The following VPS8 variants were observed in gnomAD, a reference collection of about 807,000 sequenced individuals.
The protein encoded by VPS8 is vacuolar protein sorting-associated protein 8 homolog.
In VPS8, 129 loss-of-function variants were observed where a neutral mutation model predicts 216.4. The ratio of observed to expected loss-of-function variants is 0.60; its 90% CI spans 0.52 to 0.69. The LOEUF is 0.69. VPS8 is among the 30% of genes least tolerant of loss of function. VPS8 has a pLI of 0.00. For synonymous variants in VPS8, 571 were observed against 565.4 expected (o/e 1.01, Z -0.14); for missense variants, 1,531 against 1,683.5 (o/e 0.91, Z 1.59).
intron 40 of VPS8, among the ~76,000 whole-genome samples, chr3:184,979,959 G>A (rs897347649): frequency 5.3e-5 from 8 of 152,016 alleles, no homozygotes; most frequent in Non-Finnish European, 1.0e-4. Context: ...TCCATGTTTC[G>A]CTTGAGGACC....
At chr3:184,936,191 A>C (rs1741578824) in intron 34 of VPS8, 55 bp from the exon 35 acceptor site, 2 of 1,465,074 alleles carry the variant, frequency 1.4e-6, no homozygotes, top group Admixed American at 2.0e-5. Flanking sequence ...ACATCTGTGG[A>C]TATGCTGTTT....
intron 21 of VPS8, among the ~76,000 whole-genome samples, chr3:184,878,948 A>G (rs1270926836): frequency 6.6e-6 from 1 of 152,154 alleles, no homozygotes; most frequent in Admixed American, 6.5e-5. Context: ...GTGTATACAT[A>G]TGTATGTATA....
chr3:184,866,082 T>G (rs1277579865), intron 16 of VPS8, among the ~76,000 whole-genome samples: 1 of 152,148 alleles, frequency 6.6e-6, no homozygotes, highest in African/African-American at 2.4e-5. Context: ...CACACGCTTA[T>G]ATAAAAACTT....
At chr3:184,867,188 G>C (rs1727520363) in intron 17 of VPS8, among the ~76,000 whole-genome samples, 1 of 152,126 alleles carries the variant, frequency 6.6e-6, no homozygotes, top group Non-Finnish European at 1.5e-5. Flanking sequence ...TCTTGATTCA[G>C]AGATGTGCTT....
At chr3:184,949,415 G>A (rs956078411) in intron 36 of VPS8, among the ~76,000 whole-genome samples, 24 of 152,206 alleles carry the variant, frequency 1.6e-4, no homozygotes, top group Admixed American at 6.5e-5. Context: ...TTACATTAAC[G>A]TGATGTGTCA....
intron 21 of VPS8, among the ~76,000 whole-genome samples, chr3:184,884,327 G>GT (rs1730819041): frequency 6.6e-6 from 1 of 152,008 alleles, no homozygotes; most frequent in African/African-American, 2.4e-5. Context: ...GCGGTGTTTG[G>GT]TTTTCTGTCC....
chr3:185,047,417 A>T (rs530287779), intron 46 of VPS8, among the ~76,000 whole-genome samples: 7 of 152,310 alleles, frequency 4.6e-5, no homozygotes, highest in African/African-American at 1.7e-4. Flanking sequence ...GCCTAAGATT[A>T]TGCTGCTAGT....
At position 184,917,841 on chromosome 3, in the gene VPS8, C is replaced by G. The variant is rs533761941; in HGVS notation, c.2383-2286C>G. On this transcript the variant is annotated intron_variant, in intron 28 of 47. Coordinates refer to ENST00000625842, the MANE Select transcript of VPS8 (RefSeq NM_001009921.3). ...CTGTTTGAGCTGCTATAACAAAATG[C>G]ATAGATTGGGTGGCTCATAAACAAC... Among the ~76,000 whole-genome samples the G allele has an allele frequency of 7.2e-5, 11 of 152,294 alleles. No homozygotes were observed. The East Asian group carries it at 2.1e-3, about 29-fold the overall frequency.
intron 22 of VPS8, among the ~76,000 whole-genome samples, chr3:184,888,608 A>T (rs1731747521): frequency 6.6e-6 from 1 of 152,210 alleles, no homozygotes; most frequent in Non-Finnish European, 1.5e-5. Flanking sequence ...CTTAACCCTC[A>T]TAAATACAGT....
intron 16 of VPS8, among the ~76,000 whole-genome samples, chr3:184,866,120 T>C (rs1324169816): frequency 6.6e-6 from 1 of 152,206 alleles, no homozygotes; most frequent in Non-Finnish European, 1.5e-5. Flanking sequence ...GCAGTATTAT[T>C]GTTAATAACC....
intron 25 of VPS8, among the ~76,000 whole-genome samples, chr3:184,902,081 A>G (rs1401260190): frequency 7.0e-6 from 1 of 142,398 alleles, no homozygotes; most frequent in Non-Finnish European, 1.5e-5. Context: ...CCATTCACAT[A>G]TCTTCTTTTG....
chr3:184,920,610 A>C (rs1397920243), intron 29 of VPS8, among the ~76,000 whole-genome samples: 1 of 152,240 alleles, frequency 6.6e-6, no homozygotes, highest in Non-Finnish European at 1.5e-5. Flanking sequence ...GCTGGATGAC[A>C]CTTAAGAATG....
chr3:184,978,944 A>G (rs1265646841), intron 40 of VPS8, among the ~76,000 whole-genome samples: 1 of 152,192 alleles, frequency 6.6e-6, no homozygotes, highest in African/African-American at 2.4e-5. Flanking sequence ...TTAGCACTAT[A>G]AACTTACCTC....
intron 45 of VPS8, among the ~76,000 whole-genome samples, chr3:185,001,197 G>A (rs1335966456): frequency 6.6e-6 from 1 of 152,122 alleles, no homozygotes; most frequent in Non-Finnish European, 1.5e-5. Flanking sequence ...CTCCAATTCA[G>A]TTCAGTTCTG....
intron 28 of VPS8, among the ~76,000 whole-genome samples, chr3:184,916,847 C>T (rs889653639): frequency 1.3e-5 from 2 of 152,158 alleles, no homozygotes; most frequent in African/African-American, 4.8e-5. Flanking sequence ...CACCGAAACA[C>T]ATTTGGAATT....
intron 31 of VPS8, among the ~76,000 whole-genome samples, chr3:184,927,965 C>T (rs1739980965): frequency 6.6e-6 from 1 of 152,182 alleles, no homozygotes; most frequent in Non-Finnish European, 1.5e-5. Context: ...ATTCATTCAT[C>T]CACTGAGGGC....
rs540332135 is a variant in VPS8 at position 185,008,938 on chromosome 3, G to A, written c.4002+9077G>A. Among the ~76,000 whole-genome samples, 15 of 152,340 alleles carry A rather than the reference G, an allele frequency of 9.8e-5. No individual in the cohort carries two copies. The South Asian group carries it at 3.1e-3, about 32-fold the overall frequency. ...GGGAAAGAATAAGGGAGAGTAACAT[G>A]AGGGAAACCTACTTTAGATTAGGAG... On this transcript the variant is annotated intron_variant, in intron 45 of 47. Transcript: ENST00000625842.
At chr3:184,882,786 A>T (rs1730499082) in intron 21 of VPS8, among the ~76,000 whole-genome samples, 1 of 152,038 alleles carries the variant, frequency 6.6e-6, no homozygotes, top group Non-Finnish European at 1.5e-5. Context: ...GTGAGTTTTG[A>T]TAGTTGTGTT....
At chr3:184,897,895 C>G (rs1289996217) in intron 23 of VPS8, among the ~76,000 whole-genome samples, 1 of 152,132 alleles carries the variant, frequency 6.6e-6, no homozygotes, top group East Asian at 1.9e-4. Context: ...TTCAAGCTCA[C>G]TTCCACATTA....
Sources: allele counts gnomAD v4.1 joint callset (sites outside exome capture counted in the v4.1 genomes callset), GRCh38; gene constraint gnomAD v4.1.1; transcripts MANE v1.5; gene names NCBI Gene and HGNC (gene_info 2026-07-23, HGNC 2026-07-21).